Variants in PPP2R5E observed in about 807,000 individuals in gnomAD.
PPP2R5E encodes serine/threonine-protein phosphatase 2A 56 kDa regulatory subunit epsilon isoform.
PPP2R5E carries 4 observed loss-of-function variants against 65.3 expected under a neutral mutation model. That is an observed-to-expected ratio of 0.06 (90% CI 0.03 to 0.14). PPP2R5E has a LOEUF of 0.14. Ranked by LOEUF, PPP2R5E falls within the 10% of genes least tolerant of loss-of-function variation. The probability of loss-of-function intolerance (pLI) is 1.00; values close to 1 mark genes in which losing one functional copy is unlikely to be tolerated. For missense variants in PPP2R5E, 274 were observed against 556.1 expected (o/e 0.49, Z 5.10); for synonymous variants, 183 against 187.4 (o/e 0.98, Z 0.19).
At chr14:63,376,779 A>AT (rs1884007198) in intron 13 of PPP2R5E, among the ~76,000 whole-genome samples, 2 of 152,262 alleles carry the variant, frequency 1.3e-5, no homozygotes, top group Admixed American at 1.3e-4. Flanking sequence ...ATGCAGGAAT[A>AT]TAAGACTATA....
chr14:63,523,717 T>TA (rs200827747), intron 2 of PPP2R5E, among the ~76,000 whole-genome samples: 38,361 of 117,948 alleles, frequency 0.33, 5,835 homozygotes, highest in African/African-American at 0.47. Context: ...ATAAATAAAT[T>TA]AAAAAAAAAA....
At chr14:63,393,144 C>T (rs1007343585) in intron 8 of PPP2R5E, among the ~76,000 whole-genome samples, 37 of 152,096 alleles carry the variant, frequency 2.4e-4, no homozygotes, top group African/African-American at 7.5e-4. Context: ...TAGGATGGAA[C>T]AAAATATTCA....
intron 2 of PPP2R5E, among the ~76,000 whole-genome samples, chr14:63,530,132 T>A (rs1204680388): frequency 6.6e-6 from 1 of 151,544 alleles, no homozygotes; most frequent in African/African-American, 2.4e-5. Context: ...AAACTTTACA[T>A]ATAATTTTAG....
intron 2 of PPP2R5E, among the ~76,000 whole-genome samples, chr14:63,526,702 G>C (rs1321267458): frequency 6.6e-6 from 1 of 152,120 alleles, no homozygotes; most frequent in African/African-American, 2.4e-5. Flanking sequence ...GACGACAGGA[G>C]CATGCCTCCA....
At chr14:63,481,253 T>G (rs1457399330) in intron 2 of PPP2R5E, among the ~76,000 whole-genome samples, 1 of 152,058 alleles carries the variant, frequency 6.6e-6, no homozygotes, top group Non-Finnish European at 1.5e-5. Flanking sequence ...TCCCAACACT[T>G]TGGGAGGCCG....
At chr14:63,469,482 G>A (rs1036595101) in intron 2 of PPP2R5E, among the ~76,000 whole-genome samples, 3 of 152,190 alleles carry the variant, frequency 2.0e-5, no homozygotes, top group Admixed American at 1.3e-4. Flanking sequence ...CACGAGGTCA[G>A]GAGATCAAGA....
rs1048181291 is a variant in PPP2R5E, at chr14:63,508,255, C to T, written c.157+31274G>A. The T allele has an allele frequency of 1.8e-4, 181 of 982,986 alleles. 2 individuals are homozygous for T. Among genetic ancestry groups the T allele is most frequent in the African/African-American group, 2.6e-4 (15 of 57,154 alleles). 60.9% of individuals were successfully genotyped at this position (982,986 alleles called of 1,614,324 possible). A position where few individuals can be genotyped will look rare whatever the true frequency, so the allele number is the denominator to read the frequency against. On this transcript the variant is annotated intron_variant, in intron 2 of 13. Transcript: ENST00000337537. ...CAAATGCTTTCCTCTCTAAACCACG[C>T]GGCTCACTTGTTTACCCCAATGCTA... is the stretch of plus-strand genomic sequence containing the variant.
intron 2 of PPP2R5E, among the ~76,000 whole-genome samples, chr14:63,520,993 C>T (rs1169846570): frequency 6.6e-6 from 1 of 151,204 alleles, no homozygotes. Context: ...GAGCCAAGAT[C>T]GCGCCACTGC....
chr14:63,394,661 G>C (rs78232961), intron 7 of PPP2R5E, among the ~76,000 whole-genome samples: 1,561 of 152,248 alleles, frequency 0.01, 17 homozygotes, highest in African/African-American at 0.019. Flanking sequence ...AAATCACTGA[G>C]AGAAAGCCAT....
At chr14:63,497,645 G>A (rs1355871000) in intron 2 of PPP2R5E, among the ~76,000 whole-genome samples, 2 of 152,094 alleles carry the variant, frequency 1.3e-5, no homozygotes, top group Non-Finnish European at 2.9e-5. Context: ...CTATTCAGGA[G>A]GCTGAGGCAG....
chr14:63,437,793 T>C (rs1392976993), intron 3 of PPP2R5E, among the ~76,000 whole-genome samples: 1 of 152,198 alleles, frequency 6.6e-6, no homozygotes, highest in Non-Finnish European at 1.5e-5. Flanking sequence ...TAGAACTTCC[T>C]TGTCCATTTT....
At chr14:63,522,898 G>C (rs1198958890) in intron 2 of PPP2R5E, among the ~76,000 whole-genome samples, 2 of 147,756 alleles carry the variant, frequency 1.4e-5, no homozygotes, top group African/African-American at 5.0e-5. Context: ...CGCCCCGTCC[G>C]GGAGGGAGGT....
intron 3 of PPP2R5E, among the ~76,000 whole-genome samples, chr14:63,425,219 C>A (rs1229192382): frequency 2.2e-4 from 34 of 152,286 alleles, no homozygotes; most frequent in Non-Finnish European, 1.2e-4. Context: ...TGACAGCACA[C>A]ACAGTTCTAT....
At chr14:63,440,988 G>C (rs1489652314) in intron 3 of PPP2R5E, among the ~76,000 whole-genome samples, 9 of 148,198 alleles carry the variant, frequency 6.1e-5, no homozygotes, top group Admixed American at 6.0e-4. Flanking sequence ...TCTGGAACCA[G>C]ATCACCAAGG....
Position 63,426,223 on chromosome 14 carries a change from T to C in PPP2R5E, c.355-4129A>G, listed in dbSNP as rs1887325389. Among the ~76,000 whole-genome samples the C allele has an allele frequency of 3.3e-5, 5 of 152,318 alleles. No homozygotes were observed. The South Asian group carries it at 1.0e-3, about 32-fold the overall frequency. Reference sequence around the variant, plus strand: ...AAAAATGTTATAAATGAGCCATTACTCCCATCCTTGAGAATTTGCCCTGAG... The same window carrying C: ...AAAAATGTTATAAATGAGCCATTACCCCCATCCTTGAGAATTTGCCCTGAG... On this transcript the variant is annotated intron_variant, in intron 3 of 13. Transcript: ENST00000337537.
Position 63,402,384 on chromosome 14 carries a change from C to G in PPP2R5E, c.550-5668G>C, listed in dbSNP as rs577867207. Reference sequence around the variant, plus strand: ...GGTAACATACACAAGTTCTAAGCAACTTTTCGGTAGACTAACATGTAATTA... The same window carrying G: ...GGTAACATACACAAGTTCTAAGCAAGTTTTCGGTAGACTAACATGTAATTA... On this transcript the variant is annotated intron_variant, in intron 5 of 13. Coordinates refer to ENST00000337537, the MANE Select transcript of PPP2R5E (RefSeq NM_006246.5). Among the ~76,000 whole-genome samples, 51 of 152,292 alleles carry G rather than the reference C, an allele frequency of 3.3e-4. 1 individual carries two copies. The highest frequency in any genetic ancestry group is 2.4e-3 in the Admixed American group (37 of 15,298).
chr14:63,388,647 G>A (rs758595584), intron 11 of PPP2R5E, among the ~76,000 whole-genome samples: 4 of 151,866 alleles, frequency 2.6e-5, no homozygotes, highest in Non-Finnish European at 4.4e-5. Flanking sequence ...CTTGCTTTGC[G>A]GTACAACTGC....
rs996777421 is a variant in PPP2R5E at position 63,415,434 on chromosome 14, A to T, written c.457-202T>A. On this transcript the variant is annotated intron_variant, in intron 4 of 13. Coordinates refer to ENST00000337537, the MANE Select transcript of PPP2R5E (RefSeq NM_006246.5). ...TTAAAATTTTAAATTAGAAAATACA[A>T]CTAAACAAAGCAAAGAAAAATTTCC... Among the ~76,000 whole-genome samples the T allele has an allele frequency of 2.0e-5, 3 of 152,182 alleles. No individual in the cohort carries two copies. The South Asian group carries it at 6.2e-4, about 32-fold the overall frequency.
intron 2 of PPP2R5E, among the ~76,000 whole-genome samples, chr14:63,455,724 G>A (rs1889086105): frequency 2.0e-5 from 3 of 152,166 alleles, no homozygotes. Context: ...ACTAATTCAT[G>A]CACAGGACCA....
Sources: gnomAD v4.1 joint callset for allele counts (sites outside exome capture counted in the v4.1 genomes callset) on GRCh38, gnomAD v4.1.1 for gene constraint, MANE v1.5 for transcripts, NCBI Gene and HGNC (gene_info 2026-07-23, HGNC 2026-07-21) for gene names.